The following RBFOX1 variants were observed in gnomAD, a reference collection of about 807,000 sequenced individuals.
RBFOX1 encodes RNA binding protein fox-1 homolog 1.
Under a neutral mutation model 57.7 loss-of-function variants are expected in RBFOX1, and 8 were observed. That is an observed-to-expected ratio of 0.14 (90% CI 0.08 to 0.25). The LOEUF (loss-of-function observed/expected upper bound fraction) is 0.25. RBFOX1 is among the 10% of genes least tolerant of loss of function. The probability of loss-of-function intolerance (pLI) is 1.00; values close to 1 mark genes in which losing one functional copy is unlikely to be tolerated. For missense variants in RBFOX1, 611 were observed against 548.5 expected (o/e 1.11, Z -1.14); for synonymous variants, 326 against 222.4 (o/e 1.47, Z -4.15).
chr16:5,999,982 C>A (rs535320747), intron 4 of RBFOX1, among the ~76,000 whole-genome samples: 10 of 148,264 alleles, frequency 6.7e-5, no homozygotes, highest in African/African-American at 2.5e-4. Context: ...CGGACCACAG[C>A]TTTATAAGGA....
Position 7,557,607 on chromosome 16 carries a change from T to C in RBFOX1, c.271-22170T>C, listed in dbSNP as rs2088991290. On this transcript the variant is annotated intron_variant, in intron 5 of 15. Coordinates refer to ENST00000550418, the MANE Select transcript of RBFOX1 (RefSeq NM_018723.4). Reference sequence around the variant, plus strand: ...TGCACTCCAGCCTGGGAGACAAAGTTAGACTCTGTCTCAAAAAAAAAAAAA... The same window carrying C: ...TGCACTCCAGCCTGGGAGACAAAGTCAGACTCTGTCTCAAAAAAAAAAAAA... Among the ~76,000 whole-genome samples, 6 of 97,732 alleles carry C rather than the reference T, an allele frequency of 6.1e-5. No individual in the cohort carries two copies. The Admixed American group carries it at 9.5e-4, about 16-fold the overall frequency. The allele number at this position is 97,732 out of a possible 152,430, so 64.1% of individuals were successfully genotyped here.
chr16:6,106,050 T>C (rs1311910295), intron 1 of RBFOX1, among the ~76,000 whole-genome samples: 2 of 152,160 alleles, frequency 1.3e-5, no homozygotes, highest in Non-Finnish European at 2.9e-5. Context: ...TAAGTAGAGA[T>C]GGCTGAGCAC....
chr16:6,467,473 G>A (rs924074500), intron 2 of RBFOX1, among the ~76,000 whole-genome samples: 2 of 152,002 alleles, frequency 1.3e-5, no homozygotes, highest in African/African-American at 4.8e-5. Flanking sequence ...ATAGTAGCTG[G>A]GTTTTCCAAA....
chr16:5,254,244 G>A (rs1331298233), intron 1 of RBFOX1, among the ~76,000 whole-genome samples: 1 of 152,172 alleles, frequency 6.6e-6, no homozygotes, highest in Non-Finnish European at 1.5e-5. Flanking sequence ...GCTGGTCGCT[G>A]GGTGCACACT....
At chr16:7,407,803 C>T (rs965448300) in intron 4 of RBFOX1, among the ~76,000 whole-genome samples, 1 of 152,124 alleles carries the variant, frequency 6.6e-6, no homozygotes, top group Non-Finnish European at 1.5e-5. Context: ...TGGTGTTGTA[C>T]AGGTTTTCAT....
chr16:5,589,668 A>G (rs756397202), intron 2 of RBFOX1, among the ~76,000 whole-genome samples: 8 of 152,208 alleles, frequency 5.3e-5, no homozygotes, highest in Admixed American at 1.3e-4. Flanking sequence ...GGCAAAGTCC[A>G]TAATGGACTG....
chr16:7,294,173 C>T (rs966724295), intron 4 of RBFOX1, among the ~76,000 whole-genome samples: 7 of 152,008 alleles, frequency 4.6e-5, no homozygotes, highest in Non-Finnish European at 5.9e-5. Context: ...GTAGACCTTC[C>T]CACCCACTTG....
intron 3 of RBFOX1, among the ~76,000 whole-genome samples, chr16:5,813,632 G>A (rs890725290): frequency 7.9e-5 from 12 of 152,166 alleles, no homozygotes; most frequent in Non-Finnish European, 5.9e-5. Flanking sequence ...AGTTTTAAGT[G>A]TTCTTTATAT....
intron 1 of RBFOX1, among the ~76,000 whole-genome samples, chr16:5,461,945 A>T (rs1011800121): frequency 2.6e-5 from 4 of 152,154 alleles, no homozygotes; most frequent in African/African-American, 9.7e-5. Flanking sequence ...AAAAATATAT[A>T]GCTAGACAGG....
intron 4 of RBFOX1, among the ~76,000 whole-genome samples, chr16:7,214,185 C>A (rs918435256): frequency 1.3e-5 from 2 of 152,142 alleles, no homozygotes; most frequent in South Asian, 2.1e-4. Flanking sequence ...CCACAGTAGA[C>A]CCTTCATTTA....
chr16:5,777,046 C>G (rs1236014640), intron 3 of RBFOX1, among the ~76,000 whole-genome samples: 4 of 152,206 alleles, frequency 2.6e-5, no homozygotes, highest in African/African-American at 4.8e-5. Context: ...TGCCTGCTGG[C>G]TGCTCTAATG....
At chr16:5,957,968 C>G (rs1365679862) in intron 4 of RBFOX1, among the ~76,000 whole-genome samples, 1 of 152,142 alleles carries the variant, frequency 6.6e-6, no homozygotes, top group Non-Finnish European at 1.5e-5. Context: ...ACCATCCTCT[C>G]ATTACTTTTC....
intron 3 of RBFOX1, among the ~76,000 whole-genome samples, chr16:6,656,887 CCTCTCCTCCCCTCAA>C: frequency 7.4e-5 from 11 of 149,152 alleles, no homozygotes; most frequent in African/African-American, 2.7e-4. Context: ...CCTCTCCTCT[CCTCTCCTCCCCTCAA>C]CTCTCCTCTC....
chr16:6,017,567 A>G (rs372379587), upstream of RBFOX1, among the ~76,000 whole-genome samples: 42 of 152,228 alleles, frequency 2.8e-4, no homozygotes, highest in African/African-American at 9.9e-4. Context: ...AGAGAATCCT[A>G]AGGAAACATA....
rs745729142 is a variant in RBFOX1 at position 7,653,924 on chromosome 16, G to T, written c.867G>T (p.Pro289=). ...ACACCTTCAGGGCCGCGGCGCCCCC[G>T]CCCCCGATCCCGGCCTACGGCGGGT... is the stretch of plus-strand genomic sequence containing the variant. The part of the protein sequence containing the change: ...VYNTFRAAAP[P]PPIPAYGGVV... Residue 289 remains proline, a synonymous_variant, in exon 12 of 16, where the codon CCG becomes CCT. Transcript: ENST00000550418. 2.3e-5 allele frequency: 36 copies of T among 1,559,412 alleles called. No individual in the cohort carries two copies. The African/African-American group carries it at 4.9e-4, about 21-fold the overall frequency.
intron 2 of RBFOX1, among the ~76,000 whole-genome samples, chr16:6,602,756 C>G (rs2097869727): frequency 6.6e-6 from 1 of 152,220 alleles, no homozygotes; most frequent in African/African-American, 2.4e-5. Context: ...TGCTTTATCC[C>G]TTCTGTGCAT....
At chr16:5,521,615 G>A (rs1363407903) in intron 2 of RBFOX1, among the ~76,000 whole-genome samples, 2 of 152,070 alleles carry the variant, frequency 1.3e-5, no homozygotes, top group African/African-American at 4.8e-5. Context: ...GACACCAGAA[G>A]GCAATTGGAG....
chr16:6,166,241 G>C (rs2152755016), intron 1 of RBFOX1, among the ~76,000 whole-genome samples: 1 of 152,094 alleles, frequency 6.6e-6, no homozygotes, highest in East Asian at 1.9e-4. Flanking sequence ...GGCCTTCCCT[G>C]CCTGCTGTCC....
intron 3 of RBFOX1, among the ~76,000 whole-genome samples, chr16:5,655,170 C>T (rs953574307): frequency 1.3e-5 from 2 of 152,154 alleles, no homozygotes; most frequent in African/African-American, 2.4e-5. Flanking sequence ...AATTTAGCCC[C>T]GACGAGGGTG....
Sources: allele counts gnomAD v4.1 joint callset (sites outside exome capture counted in the v4.1 genomes callset), GRCh38; gene constraint gnomAD v4.1.1; transcripts MANE v1.5; gene names NCBI Gene and HGNC (gene_info 2026-07-23, HGNC 2026-07-21).